KRABD5: variants seen among roughly 807,000 people sequenced by gnomAD.
KRABD5 encodes KRAB domain-containing protein 5.
chr16:31,750,442 C>T, the KRABD5 span, among the ~76,000 whole-genome samples: 2 of 152,138 alleles, frequency 1.3e-5, no homozygotes, highest in Non-Finnish European at 2.9e-5. Flanking sequence ...CCTTTTGGCA[C>T]AGTCTTTCCA....
the KRABD5 span, among the ~76,000 whole-genome samples, chr16:31,734,296 G>A: frequency 1.3e-5 from 2 of 151,356 alleles, no homozygotes; most frequent in Non-Finnish European, 2.9e-5. Context: ...TGTTACCCAG[G>A]CTGAAGTGCA....
At chr16:31,717,646 AATGTCCTTCAC>A in the KRABD5 span, among the ~76,000 whole-genome samples, 721 of 152,228 alleles carry the variant, frequency 4.7e-3, 8 homozygotes, top group African/African-American at 0.016. Flanking sequence ...GATTGCCTGT[AATGTCCTTCAC>A]ATTCTGGTCT....
At chr16:31,746,187 A>G in the KRABD5 span, among the ~76,000 whole-genome samples, 1 of 152,000 alleles carries the variant, frequency 6.6e-6, no homozygotes, top group Non-Finnish European at 1.5e-5. Context: ...TTTGTGCACT[A>G]GTTGATGTGG....
chr16:31,755,342 C>G, the KRABD5 span: 1 of 505,270 alleles, frequency 2.0e-6, no homozygotes, highest in Non-Finnish European at 4.1e-6. Context: ...TAGTTCACGC[C>G]TTACTCAACA....
At chr16:31,752,035 T>G in the KRABD5 span, among the ~76,000 whole-genome samples, 3 of 152,326 alleles carry the variant, frequency 2.0e-5, no homozygotes, top group East Asian at 5.8e-4. Flanking sequence ...GAGGAGCCAG[T>G]TGTTTAATTT....
At chr16:31,723,603 T>C in the KRABD5 span, among the ~76,000 whole-genome samples, 1 of 152,252 alleles carries the variant, frequency 6.6e-6, no homozygotes, top group East Asian at 1.9e-4. Context: ...GTGCTCCCCT[T>C]GGCCTGTGAG....
chr16:31,713,535 C>G, the KRABD5 span: 16 of 1,466,888 alleles, frequency 1.1e-5, 1 homozygote, highest in South Asian at 1.9e-4. Context: ...GGCCCTGAGT[C>G]CCCGCGGACG....
the KRABD5 span, among the ~76,000 whole-genome samples, chr16:31,744,197 G>T: frequency 0.13 from 20,285 of 152,100 alleles, 1,791 homozygotes; most frequent in South Asian, 0.32. Context: ...TTCTTGTCTT[G>T]TACTAATTTT....
At chr16:31,734,513 A>G in the KRABD5 span, among the ~76,000 whole-genome samples, 1 of 152,010 alleles carries the variant, frequency 6.6e-6, no homozygotes, top group African/African-American at 2.4e-5. Context: ...CCGCCTCCCA[A>G]AGTACAGGGA....
chr16:31,724,511 C>A, the KRABD5 span, among the ~76,000 whole-genome samples: 758 of 151,594 alleles, frequency 5.0e-3, 4 homozygotes, highest in Non-Finnish European at 9.3e-3. Context: ...CACGATGAAA[C>A]CCCGTCTCTA....
the KRABD5 span, chr16:31,757,841 G>C: frequency 3.5e-5 from 5 of 144,152 alleles, no homozygotes; most frequent in Non-Finnish European, 7.5e-5. Context: ...TAGGTAGGTA[G>C]GTAGGTAGGT....
the KRABD5 span, among the ~76,000 whole-genome samples, chr16:31,728,352 C>A: frequency 3.3e-5 from 5 of 151,848 alleles, no homozygotes; most frequent in East Asian, 5.8e-4. Context: ...TTATTTTGTT[C>A]ATGTTCAAGT....
the KRABD5 span, among the ~76,000 whole-genome samples, chr16:31,752,442 T>C: frequency 1.3e-5 from 2 of 152,216 alleles, no homozygotes; most frequent in African/African-American, 4.8e-5. Context: ...GTTTTATGAA[T>C]CTCGGTGCTC....
chr16:31,749,458 G>A, the KRABD5 span, among the ~76,000 whole-genome samples: 1 of 152,236 alleles, frequency 6.6e-6, no homozygotes, highest in African/African-American at 2.4e-5. Flanking sequence ...ACAGCAGGCA[G>A]ATGCAGCTGT....
At chr16:31,719,699 T>C in the KRABD5 span, among the ~76,000 whole-genome samples, 2 of 152,220 alleles carry the variant, frequency 1.3e-5, no homozygotes, top group Non-Finnish European at 2.9e-5. Context: ...TTGCTCTTGC[T>C]GGTTCTCCAG....
the KRABD5 span, among the ~76,000 whole-genome samples, chr16:31,724,262 T>G: frequency 6.6e-6 from 1 of 152,132 alleles, no homozygotes; most frequent in Non-Finnish European, 1.5e-5. Flanking sequence ...GTAAATTATA[T>G]ATATTTAAGA....
the KRABD5 span, among the ~76,000 whole-genome samples, chr16:31,747,875 A>G: frequency 2.8e-4 from 42 of 152,282 alleles, no homozygotes; most frequent in African/African-American, 9.9e-4. Flanking sequence ...AGTTCATTGT[A>G]GATTCTGGAT....
the KRABD5 span, chr16:31,761,206 C>G: frequency 6.6e-6 from 1 of 152,166 alleles, no homozygotes; most frequent in African/African-American, 2.4e-5. Flanking sequence ...ATGTTTTTAG[C>G]TACTCCCATG....
the KRABD5 span, among the ~76,000 whole-genome samples, chr16:31,735,848 T>C: frequency 6.6e-6 from 1 of 152,218 alleles, no homozygotes; most frequent in Admixed American, 6.5e-5. Context: ...TGCAAATGTT[T>C]TCTCCCATTG....
Sources: allele counts gnomAD v4.1 joint callset (sites outside exome capture counted in the v4.1 genomes callset), GRCh38; gene constraint gnomAD v4.1.1; transcripts MANE v1.5; gene names NCBI Gene and HGNC (gene_info 2026-07-23, HGNC 2026-07-21).